The following CEP250 variants were observed in gnomAD, a reference collection of about 807,000 sequenced individuals.
CEP250 encodes the protein centrosome-associated protein CEP250.
Under a neutral mutation model 315.7 loss-of-function variants are expected in CEP250, and 242 were observed. The observed-to-expected ratio is 0.77, with a 90% CI of 0.69 to 0.85. The LOEUF is 0.85. Ranked by LOEUF, CEP250 falls within the 40% of genes least tolerant of loss-of-function variation. The probability of loss-of-function intolerance (pLI) is 0.00; values close to 1 mark genes in which losing one functional copy is unlikely to be tolerated. For missense variants in CEP250, 2,515 were observed against 2,886.4 expected (o/e 0.87, Z 2.95); for synonymous variants, 1,088 against 1,175.0 (o/e 0.93, Z 1.51).
At chr20:35,490,951 G>T (rs1469942106) in intron 21 of CEP250, 147 bp downstream of exon 21, 8 of 956,918 alleles carry the variant, frequency 8.4e-6, no homozygotes, top group Non-Finnish European at 1.2e-5. Context: ...GAGCAGGGTG[G>T]TCCGCACCAT....
rs545919488 is a variant in CEP250 at position 35,517,718 on chromosome 20, C to A, written c.*6092C>A. 6.7e-6 allele frequency: 1 copy of A among 149,078 alleles called. No homozygotes were observed. Among genetic ancestry groups the A allele is most frequent in the Non-Finnish European group, 1.5e-5 (1 of 67,632 alleles). 9.2% of individuals were successfully genotyped at this position (149,078 alleles called of 1,614,324 possible). ...AGTGAGCCGAGATCATACCACTGCA[C>A]TCCAGCCTGAGTGATAAAAGTGAGA... is the stretch of plus-strand genomic sequence containing the variant. On this transcript the variant is annotated 3_prime_UTR_variant, in exon 35 of 35. Coordinates refer to ENST00000397527, the MANE Select transcript of CEP250 (RefSeq NM_007186.6).
Position 35,496,685 on chromosome 20 carries a change from C to A in CEP250, c.3276C>A (p.Ala1092=), listed in dbSNP as rs376869135. The stretch of plus-strand genomic sequence containing the variant: ...CCCTGCGCCAGGACATGCAGGAGGC[C>A]CAGGGAGAACAGAAAGAGCTCAGTG... ...LSALRQDMQE[A]QGEQKELSAQ... Residue 1092 remains alanine (A), a synonymous_variant, in exon 25 of 35, where the codon GCC becomes GCA. Transcript: ENST00000397527. 1 of 1,613,854 alleles carries A rather than the reference C, an allele frequency of 6.2e-7. No homozygotes were observed. The highest frequency in any genetic ancestry group is 8.5e-7 in the Non-Finnish European group (1 of 1,179,978).
At chr20:35,489,583 A>T (rs2063625550) in intron 20 of CEP250, among the ~76,000 whole-genome samples, 1 of 152,202 alleles carries the variant, frequency 6.6e-6, no homozygotes, top group Non-Finnish European at 1.5e-5. Flanking sequence ...TAGATTAAAG[A>T]TTCTCCACCC....
chr20:35,477,896 G>A lies in CEP250; in HGVS notation c.1889G>A (p.Cys630Tyr). 1.3e-6 allele frequency: 2 copies of A among 1,592,576 alleles called. No individual in the cohort carries two copies. The highest frequency in any genetic ancestry group is 4.5e-5 in the East Asian group (2 of 44,330). Residue 630 changes from cysteine (C) to tyrosine (Y), a missense_variant, in exon 17 of 35, where the codon TGC becomes TAC. Physicochemically the swap from Cys to Tyr is radical, Grantham distance 194. Coordinates refer to ENST00000397527, the MANE Select transcript of CEP250 (RefSeq NM_007186.6). ...LQLEEENQSVCSRMEAAEQAR... is the reference protein window; with the variant it reads ...LQLEEENQSVYSRMEAAEQAR... ...TTAGAGGAGGAGAACCAGTCTGTGT[G>A]CAGCAGAATGGAGGCCGCAGAGCAG...
chr20:35,489,236 A>C lies in CEP250; in HGVS notation c.2587-1401A>C, dbSNP rs987627722. On this transcript the variant is annotated intron_variant, in intron 20 of 34. Coordinates refer to ENST00000397527, the MANE Select transcript of CEP250 (RefSeq NM_007186.6). ...TGTGCTCAAGGACCTGCAAGGAGGC[A>C]AGTGTGTGTAGCCAGGGTGTAGTGA... is the stretch of plus-strand genomic sequence containing the variant. Among the ~76,000 whole-genome samples the C allele has an allele frequency of 3.3e-5, 5 of 151,492 alleles. No homozygotes were observed. In the South Asian group the frequency reaches 1.0e-3, roughly 32 times the overall value.
At chr20:35,479,122 C>T (rs1218869378) in intron 17 of CEP250, 109 bp from the exon 18 acceptor site, 18 of 1,083,484 alleles carry the variant, frequency 1.7e-5, no homozygotes, top group Non-Finnish European at 2.4e-5. Context: ...AATCCGGGCT[C>T]ACAGAGCTGG....
intron 12 of CEP250, 59 bp downstream of exon 12, chr20:35,472,890 C>T: frequency 6.5e-7 from 1 of 1,538,920 alleles, no homozygotes; most frequent in Non-Finnish European, 9.0e-7. Context: ...CTGGTTTGTG[C>T]CTCAGGTACC....
intron 34 of CEP250, among the ~76,000 whole-genome samples, chr20:35,510,306 CAGAAGAT>C (rs1291799888): frequency 1.9e-4 from 29 of 152,320 alleles, no homozygotes; most frequent in Non-Finnish European, 3.7e-4. Flanking sequence ...GAGGAGCAGG[CAGAAGAT>C]TCTAGGAGGA....
intron 14 of CEP250, 126 bp downstream of exon 14, chr20:35,474,178 G>A: frequency 1.3e-6 from 1 of 770,632 alleles, no homozygotes. Flanking sequence ...GTTCAGATTA[G>A]CTTGCTGCTT....
chr20:35,504,745 C>T lies in CEP250; in HGVS notation c.6376C>T (p.Pro2126Ser), dbSNP rs754798617. 6.2e-7 allele frequency: 1 copy of T among 1,614,216 alleles called. No homozygotes were observed. Among genetic ancestry groups the T allele is most frequent in the Non-Finnish European group, 8.5e-7 (1 of 1,180,044 alleles). ...GCAAAGGAACAACCTGGAAGCCTTA[C>T]CCCACAGCCACAAAACCTCCCCAAT... is the stretch of plus-strand genomic sequence containing the variant. ...TQQRNNLEAL[P>S]HSHKTSPMEE... Residue 2126 changes from proline (P) to serine (S), a missense_variant, in exon 30 of 35, where the codon CCC becomes TCC. Pro to Ser is a moderately conservative substitution (Grantham distance 74). Coordinates refer to ENST00000397527, the MANE Select transcript of CEP250 (RefSeq NM_007186.6).
At chr20:35,498,166 CA>C (rs2063898813) in intron 26 of CEP250, 99 bp downstream of exon 26, 1 of 909,712 alleles carries the variant, frequency 1.1e-6, no homozygotes, top group Non-Finnish European at 1.6e-6. Flanking sequence ...CATATTGCTT[CA>C]GGGTTAAGAT....
Position 35,478,066 on chromosome 20 carries a change from G to C in CEP250, c.2059G>C (p.Glu687Gln), listed in dbSNP as rs746337126. Residue 687 changes from glutamate to glutamine, a missense_variant, in exon 17 of 35, where the codon GAA (glutamate) becomes CAA (glutamine). By Grantham distance (29) the Glu-to-Gln change is conservative. Transcript: ENST00000397527. ...GCAGGCAGATCTCAGGGACATCCAAGAAGAGAAGGAAGAAATTCAAAAGAA... is the reference window on the plus strand; with the variant it reads ...GCAGGCAGATCTCAGGGACATCCAACAAGAGAAGGAAGAAATTCAAAAGAA... ...ELQADLRDIQ[E>Q]EKEEIQKKLS... 19 of 1,613,990 alleles carry C rather than the reference G, an allele frequency of 1.2e-5. No homozygotes were observed. Among genetic ancestry groups the C allele is most frequent in the Non-Finnish European group, 1.6e-5 (19 of 1,179,988 alleles).
At chr20:35,509,653 C>T (rs1241490719) in intron 33 of CEP250, among the ~76,000 whole-genome samples, 1 of 152,244 alleles carries the variant, frequency 6.6e-6, no homozygotes, top group East Asian at 1.9e-4. Flanking sequence ...AGGGCAGGCA[C>T]CGTGTCTTCC....
In CEP250 at chr20:35,502,543, A is replaced by G. The variant is rs1407640532; in HGVS notation, c.4174A>G (p.Asn1392Asp). ...RTARSALKLKNEEVESERERA... is the reference protein window; with the variant it reads ...RTARSALKLKDEEVESERERA... ...GGCTCGCTCAGCACTGAAGCTGAAA[A>G]ATGAGGAAGTAGAGAGTGAGCGTGA... The change falls in exon 30 of 35, where the codon AAT becomes GAT. Residue 1392 changes from asparagine (N) to aspartate (D), a missense_variant. Coordinates refer to ENST00000397527, the MANE Select transcript of CEP250 (RefSeq NM_007186.6). 5 of 1,614,186 alleles carry G rather than the reference A, an allele frequency of 3.1e-6. No homozygotes were observed. The highest frequency in any genetic ancestry group is 1.7e-5 in the Admixed American group (1 of 60,026).
Position 35,472,137 on chromosome 20 carries a change from A to G in CEP250, c.1036A>G (p.Lys346Glu). Residue 346 changes from lysine (K) to glutamate (E), a missense_variant, in exon 11 of 35, where the codon AAG (lysine) becomes GAG (glutamate). By Grantham distance (56) the Lys-to-Glu change is moderately conservative. Transcript: ENST00000397527. ...GAAGTTGTCTTTACAGCAGGTGATC[A>G]AGGATATAACCCAGGTACTGGGAAG... is the stretch of plus-strand genomic sequence containing the variant. ...EEKLSLQQVI[K>E]DITQVMVEEG... 2 of 1,608,280 alleles carry G rather than the reference A, an allele frequency of 1.2e-6. No individual in the cohort carries two copies. The highest frequency in any genetic ancestry group is 1.7e-6 in the Non-Finnish European group (2 of 1,174,656).
At position 35,498,615 on chromosome 20, in the gene CEP250, C is replaced by T. The variant is rs901418444; in HGVS notation, c.3676C>T (p.Leu1226Phe). The T allele has an allele frequency of 1.9e-6, 3 of 1,603,558 alleles. No individual in the cohort carries two copies. The African/African-American group carries it at 4.0e-5, about 22-fold the overall frequency. Reference protein sequence around the residue: ...LEPDQNGARSLFKRGPLLTAL... With the variant: ...LEPDQNGARSFFKRGPLLTAL... ...TTCAGACCAGAATGGAGCTAGGAGC[C>T]TCTTTAAGAGAGGGCCCCTGCTGAC... Residue 1226 changes from leucine to phenylalanine, a missense_variant, in exon 27 of 35, where the codon CTC (leucine) becomes TTC (phenylalanine). By Grantham distance (22) the Leu-to-Phe change is conservative. Coordinates refer to ENST00000397527, the MANE Select transcript of CEP250 (RefSeq NM_007186.6).
At chr20:35,467,283 G>C (rs1568761366) in intron 8 of CEP250, 21 bp from the exon 9 acceptor site, 1 of 1,605,850 alleles carries the variant, frequency 6.2e-7, no homozygotes, top group East Asian at 2.2e-5. Flanking sequence ...GGAGTCTGCT[G>C]TTTTCCTTGC....
chr20:35,480,174 C>T, intron 20 of CEP250, 29 bp downstream of exon 20: 1 of 1,590,676 alleles, frequency 6.3e-7, no homozygotes. Flanking sequence ...CGGGTATGGC[C>T]TCCCTTCCAT....
chr20:35,463,675 A>G, intron 5 of CEP250, 44 bp downstream of exon 5: 1 of 1,526,090 alleles, frequency 6.6e-7, no homozygotes, highest in Non-Finnish European at 8.9e-7. Flanking sequence ...TCCTCAGTGA[A>G]TATACTTGTT....
Sources: gnomAD v4.1 joint callset for allele counts (sites outside exome capture counted in the v4.1 genomes callset) on GRCh38, gnomAD v4.1.1 for gene constraint, MANE v1.5 for transcripts, NCBI Gene and HGNC (gene_info 2026-07-23, HGNC 2026-07-21) for gene names.